PRKG1: variants seen among roughly 807,000 people sequenced by gnomAD.
PRKG1 encodes protein kinase cGMP-dependent 1.
Under a neutral mutation model 88.1 loss-of-function variants are expected in PRKG1, and 35 were observed. That is an observed-to-expected ratio of 0.40 (90% CI 0.30 to 0.53). PRKG1 has a LOEUF of 0.53. Ranked by LOEUF, PRKG1 falls within the 20% of genes least tolerant of loss-of-function variation. The pLI is 0.59. For missense variants in PRKG1, 540 were observed against 839.8 expected, an observed-to-expected ratio of 0.64 and a Z score of 4.41; for synonymous variants, 303 against 292.5, an observed-to-expected ratio of 1.04 and a Z score of -0.37.
At chr10:51,391,308 G>A (rs1368190922) in intron 2 of PRKG1, among the ~76,000 whole-genome samples, 2 of 152,194 alleles carry the variant, frequency 1.3e-5, no homozygotes, top group African/African-American at 4.8e-5. Context: ...CACATATTGT[G>A]TAACTTTGGA....
At chr10:51,963,990 A>T (rs1298790821) in intron 5 of PRKG1, among the ~76,000 whole-genome samples, 3 of 152,198 alleles carry the variant, frequency 2.0e-5, no homozygotes, top group Non-Finnish European at 4.4e-5. Flanking sequence ...GATTAAAATC[A>T]AAGTGTCAGC....
chr10:51,288,244 GGAGTCACATGGA>G (rs1330129881), intron 2 of PRKG1, among the ~76,000 whole-genome samples: 15 of 151,832 alleles, frequency 9.9e-5, no homozygotes, highest in African/African-American at 3.6e-4. Context: ...GTGCTTTTCG[GGAGTCACATGGA>G]GAGGCTAAAA....
intron 9 of PRKG1, among the ~76,000 whole-genome samples, chr10:52,195,333 A>G (rs1419157071): frequency 6.6e-6 from 1 of 152,038 alleles, no homozygotes; most frequent in Non-Finnish European, 1.5e-5. Flanking sequence ...CCCATTTTAT[A>G]TATTTATTAA....
chr10:51,541,162 C>T lies in PRKG1; in HGVS notation c.592+73326C>T, dbSNP rs146438722. Among the ~76,000 whole-genome samples the T allele has an allele frequency of 5.5e-3, 844 of 152,232 alleles. 4 individuals carry two copies. Among genetic ancestry groups the T allele is most frequent in the African/African-American group, 0.015 (634 of 41,530 alleles). Reference sequence around the variant, plus strand: ...TGGCTTCAGGATGAAGTTGTTCCACCTCAGATCATCAGGCATTAGTTGGTC... The same window carrying T: ...TGGCTTCAGGATGAAGTTGTTCCACTTCAGATCATCAGGCATTAGTTGGTC... On this transcript the variant is annotated intron_variant, in intron 3 of 17. Coordinates refer to ENST00000373980, the MANE Select transcript of PRKG1 (RefSeq NM_006258.4).
In PRKG1 at chr10:52,271,478, T is replaced by TTTCATAGTGAGGTAAAG. The variant is rs1270942479; in HGVS notation, c.1303_1313+6dup. The stretch of plus-strand genomic sequence containing the variant: ...AGATCATGCAGGGGGCTCATTCCGA[T>TTTCATAGTGAGGTAAAG]TTCATAGTGAGGTAAAGGCTCCATG... On this transcript the variant is annotated stop_gained and frameshift_variant, in exon 11 of 18. Transcript: ENST00000373980. LOFTEE classifies it high-confidence loss of function. The TTTCATAGTGAGGTAAAG allele has an allele frequency of 1.2e-6, 2 of 1,612,282 alleles. No individual in the cohort carries two copies. Among genetic ancestry groups the TTTCATAGTGAGGTAAAG allele is most frequent in the Admixed American group, 1.7e-5 (1 of 59,840 alleles).
At chr10:52,254,818 C>T (rs909766925) in intron 10 of PRKG1, among the ~76,000 whole-genome samples, 1 of 152,014 alleles carries the variant, frequency 6.6e-6, no homozygotes, top group East Asian at 1.9e-4. Flanking sequence ...TAATAAGAAA[C>T]TTAAATGTGT....
chr10:51,892,446 G>A (rs948210648), intron 4 of PRKG1, among the ~76,000 whole-genome samples: 3 of 152,118 alleles, frequency 2.0e-5, no homozygotes, highest in Non-Finnish European at 4.4e-5. Flanking sequence ...CTGCCCATAT[G>A]TAGGCAGCAA....
intron 2 of PRKG1, among the ~76,000 whole-genome samples, chr10:51,267,095 G>A (rs913252365): frequency 3.3e-5 from 5 of 152,082 alleles, no homozygotes; most frequent in African/African-American, 1.2e-4. Context: ...TGTTGCTGCC[G>A]ACATGAAACT....
intron 3 of PRKG1, among the ~76,000 whole-genome samples, chr10:51,760,869 C>T (rs147867670): frequency 1.2e-3 from 183 of 152,208 alleles, no homozygotes; most frequent in African/African-American, 4.1e-3. Flanking sequence ...AATCTTAGCA[C>T]CGCGGGAGGC....
chr10:51,408,346 C>G (rs1175450176), intron 2 of PRKG1, among the ~76,000 whole-genome samples: 1 of 152,204 alleles, frequency 6.6e-6, no homozygotes, highest in Non-Finnish European at 1.5e-5. Flanking sequence ...TGAGCATGAG[C>G]CCACTGCCAC....
intron 5 of PRKG1, among the ~76,000 whole-genome samples, chr10:51,992,051 A>G (rs1255648720): frequency 6.6e-6 from 1 of 152,204 alleles, no homozygotes. Flanking sequence ...TTTGAGAATT[A>G]TTATAACCTT....
chr10:51,123,333 T>C (rs926672410), intron 1 of PRKG1, among the ~76,000 whole-genome samples: 1 of 152,182 alleles, frequency 6.6e-6, no homozygotes, highest in Non-Finnish European at 1.5e-5. Flanking sequence ...AAAAGGCTTA[T>C]AATGAAGAAC....
chr10:51,667,208 A>G (rs974427355), intron 3 of PRKG1, among the ~76,000 whole-genome samples: 4 of 152,200 alleles, frequency 2.6e-5, no homozygotes, highest in Admixed American at 2.6e-4. Flanking sequence ...GATACTTTTT[A>G]TTTTTCAAGA....
chr10:51,591,649 TG>T (rs1269622234), intron 3 of PRKG1, among the ~76,000 whole-genome samples: 1 of 152,142 alleles, frequency 6.6e-6, no homozygotes, highest in Non-Finnish European at 1.5e-5. Flanking sequence ...ATGAAGGCTG[TG>T]GGGGTTGTTA....
intron 5 of PRKG1, among the ~76,000 whole-genome samples, chr10:51,962,509 G>A (rs1384063371): frequency 2.6e-5 from 4 of 152,016 alleles, no homozygotes. Context: ...TTTAAAGTGA[G>A]ATATTATATA....
At chr10:51,663,625 C>A (rs1462432288) in intron 3 of PRKG1, among the ~76,000 whole-genome samples, 1 of 143,196 alleles carries the variant, frequency 7.0e-6, no homozygotes, top group Non-Finnish European at 1.5e-5. Context: ...GCTGAGGTGA[C>A]AGGATCACTT....
chr10:51,787,217 CT>C (rs1228363992), intron 3 of PRKG1, among the ~76,000 whole-genome samples: 1 of 152,102 alleles, frequency 6.6e-6, no homozygotes, highest in Non-Finnish European at 1.5e-5. Context: ...AAGTTAAAGC[CT>C]TTTAAGTAAA....
At chr10:51,597,173 G>GC (rs1838472723) in intron 3 of PRKG1, among the ~76,000 whole-genome samples, 1 of 148,272 alleles carries the variant, frequency 6.7e-6, no homozygotes, top group South Asian at 2.2e-4. Flanking sequence ...TCTAGAGTTT[G>GC]TTTTTTTTTT....
At chr10:51,046,069 C>T (rs867769774) in intron 1 of PRKG1, among the ~76,000 whole-genome samples, 43 of 152,198 alleles carry the variant, frequency 2.8e-4, no homozygotes, top group Admixed American at 5.2e-4. Context: ...GGTCTACACC[C>T]AGCCTTAGAA....
Sources: allele counts gnomAD v4.1 joint callset (sites outside exome capture counted in the v4.1 genomes callset), GRCh38; gene constraint gnomAD v4.1.1; transcripts MANE v1.5; gene names NCBI Gene and HGNC (gene_info 2026-07-23, HGNC 2026-07-21).